The following SLC5A4 variants were observed in gnomAD, a reference collection of about 807,000 sequenced individuals.
SLC5A4 encodes solute carrier family 5 member 4.
In SLC5A4, 55 loss-of-function variants were observed where a neutral mutation model predicts 70.3. The observed-to-expected ratio is 0.78, with a 90% CI of 0.63 to 0.98. The LOEUF (loss-of-function observed/expected upper bound fraction) is 0.98, where lower values mean the gene tolerates loss of function less well. SLC5A4 is among the 50% of genes least tolerant of loss of function. The pLI is 0.00. For missense variants in SLC5A4, 735 were observed against 839.2 expected, an observed-to-expected ratio of 0.88 and a Z score of 1.53; for synonymous variants, 268 against 305.7, an observed-to-expected ratio of 0.88 and a Z score of 1.29.
intron 5 of SLC5A4, among the ~76,000 whole-genome samples, chr22:32,241,594 C>G (rs569402937): frequency 3.1e-4 from 47 of 152,144 alleles, no homozygotes; most frequent in African/African-American, 9.4e-4. Context: ...CCTGTAATCC[C>G]AGCACTTTGG....
chr22:32,353,574 A>C, the SLC5A4 span, among the ~76,000 whole-genome samples: 2 of 152,100 alleles, frequency 1.3e-5, no homozygotes, highest in South Asian at 4.1e-4. Flanking sequence ...CACCAGCACC[A>C]GGGGGGCAGC....
the SLC5A4 span, among the ~76,000 whole-genome samples, chr22:32,342,296 C>CATTGGTTACTTGGTAGACCTGGTAGAG: frequency 6.6e-6 from 1 of 152,146 alleles, no homozygotes; most frequent in Non-Finnish European, 1.5e-5. Context: ...GTAGAAACAA[C>CATTGGTTACTTGGTAGACCTGGTAGAG]ACCAAGTAAC....
the SLC5A4 span, among the ~76,000 whole-genome samples, chr22:32,328,128 C>T: frequency 1.3e-5 from 2 of 151,900 alleles, no homozygotes; most frequent in African/African-American, 2.4e-5. Context: ...CCAAAACACA[C>T]ACACCAGACC....
At chr22:32,295,452 A>G in the SLC5A4 span, among the ~76,000 whole-genome samples, 2 of 111,470 alleles carry the variant, frequency 1.8e-5, 1 homozygote, top group African/African-American at 6.5e-5. Flanking sequence ...TTGGCTGCAT[A>G]AATGTCTTCT....
the SLC5A4 span, among the ~76,000 whole-genome samples, chr22:32,331,586 C>T: frequency 1.3e-5 from 2 of 152,136 alleles, no homozygotes; most frequent in Admixed American, 6.5e-5. Flanking sequence ...AAAAGGCAAG[C>T]GGTGGGGTGG....
chr22:32,251,876 T>G lies in SLC5A4; in HGVS notation c.208-2A>C. ...ACTGGCAAAGAGAGAGGCGCCCATC[T>G]GGAATGCAAGAGAACAGACTAGGGT... is the stretch of plus-strand genomic sequence containing the variant. On this transcript the variant is annotated splice_acceptor_variant, in intron 2 of 14. Transcript: ENST00000266086. LOFTEE classifies it high-confidence loss of function. 6.2e-7 allele frequency: 1 copy of G among 1,608,226 alleles called. No homozygotes were observed. The highest frequency in any genetic ancestry group is 1.3e-5 in the African/African-American group (1 of 74,934).
chr22:32,303,157 C>T, the SLC5A4 span, among the ~76,000 whole-genome samples: 1 of 152,158 alleles, frequency 6.6e-6, no homozygotes, highest in Non-Finnish European at 1.5e-5. Context: ...ACACCCATGA[C>T]ACAGCTTCAG....
the SLC5A4 span, chr22:32,272,981 G>C: frequency 3.7e-6 from 2 of 540,462 alleles, no homozygotes; most frequent in Non-Finnish European, 7.3e-6. Flanking sequence ...CAAGCTGCAC[G>C]GGGAGCTGCT....
At chr22:32,251,899 G>C in intron 2 of SLC5A4, 25 bp from the exon 3 acceptor site, 1 of 1,542,370 alleles carries the variant, frequency 6.5e-7, no homozygotes, top group Non-Finnish European at 9.0e-7. Flanking sequence ...AACAGACTAG[G>C]GTTGGAGTTA....
the SLC5A4 span, chr22:32,270,887 G>A: frequency 5.6e-4 from 315 of 557,568 alleles, 2 homozygotes; most frequent in African/African-American, 5.3e-3. Flanking sequence ...TCAGCCCAAC[G>A]TGATCACGCT....
the SLC5A4 span, among the ~76,000 whole-genome samples, chr22:32,290,305 G>C: frequency 6.6e-6 from 1 of 151,924 alleles, no homozygotes; most frequent in African/African-American, 2.4e-5. Context: ...GTGTCCATGT[G>C]TTCTCACTGT....
rs532550974 is a variant in SLC5A4, at chr22:32,239,881, A to G, written c.478-791T>C. ...CTACTACAAATACAAAAAATTAGCC[A>G]GGCATGGTGGCAGCCGTGTGTAGTC... On this transcript the variant is annotated intron_variant, in intron 5 of 14. Coordinates refer to ENST00000266086, the MANE Select transcript of SLC5A4 (RefSeq NM_014227.3). 3.0e-3 allele frequency among the ~76,000 whole-genome samples: 451 copies of G among 150,424 alleles called. 1 individual carries two copies. Among genetic ancestry groups the G allele is most frequent in the Non-Finnish European group, 5.3e-3 (361 of 67,728 alleles).
At chr22:32,302,100 A>C in the SLC5A4 span, among the ~76,000 whole-genome samples, 2 of 152,184 alleles carry the variant, frequency 1.3e-5, no homozygotes, top group African/African-American at 4.8e-5. Flanking sequence ...TATGAAACCA[A>C]AGGCACAAGC....
the SLC5A4 span, among the ~76,000 whole-genome samples, chr22:32,353,168 G>C: frequency 5.6e-4 from 85 of 152,288 alleles, no homozygotes; most frequent in African/African-American, 1.9e-3. Flanking sequence ...CTAGGGCCTG[G>C]AGTGGGGACT....
At chr22:32,261,110 A>C in the SLC5A4 span, among the ~76,000 whole-genome samples, 1 of 150,994 alleles carries the variant, frequency 6.6e-6, no homozygotes, top group African/African-American at 2.4e-5. Context: ...CCCCTGACCC[A>C]GGAGACTCAC....
At chr22:32,310,086 G>A in the SLC5A4 span, among the ~76,000 whole-genome samples, 2 of 150,274 alleles carry the variant, frequency 1.3e-5, no homozygotes, top group Non-Finnish European at 3.0e-5. Flanking sequence ...GGGGATGGGG[G>A]GGGTGGCAGA....
At chr22:32,326,270 A>ATTT in the SLC5A4 span, among the ~76,000 whole-genome samples, 52 of 135,342 alleles carry the variant, frequency 3.8e-4, no homozygotes, top group South Asian at 2.9e-3. Flanking sequence ...GCCTTCACGT[A>ATTT]TTTTTTTTTT....
At chr22:32,257,483 T>C (rs1482429074), upstream of SLC5A4, among the ~76,000 whole-genome samples, 5 of 151,976 alleles carry the variant, frequency 3.3e-5, no homozygotes, top group Admixed American at 3.3e-4. Context: ...GCCTCCACCA[T>C]AGCTGGGACC....
chr22:32,338,869 A>G, the SLC5A4 span, among the ~76,000 whole-genome samples: 5 of 152,172 alleles, frequency 3.3e-5, no homozygotes, highest in African/African-American at 9.7e-5. Flanking sequence ...ATTCCAGAAA[A>G]GGAAAGGCCA....
Sources: gnomAD v4.1 joint callset for allele counts (sites outside exome capture counted in the v4.1 genomes callset) on GRCh38, gnomAD v4.1.1 for gene constraint, MANE v1.5 for transcripts, NCBI Gene and HGNC (gene_info 2026-07-23, HGNC 2026-07-21) for gene names.